The following ZNF48 variants were observed in gnomAD, a reference collection of about 807,000 sequenced individuals.
The protein encoded by ZNF48 is zinc finger protein 48.
ZNF48 carries 20 observed loss-of-function variants against 40.0 expected under a neutral mutation model. The observed-to-expected ratio is 0.50, with a 90% CI of 0.35 to 0.73. ZNF48 has a LOEUF of 0.73. Among genes scored for constraint, ZNF48 ranks in the 30% least tolerant of loss-of-function variants. The pLI is 0.01. For missense variants in ZNF48, 726 were observed against 851.9 expected (o/e 0.85, Z 1.84); for synonymous variants, 298 against 329.7 (o/e 0.90, Z 1.04).
chr16:30,380,033 T>C (rs1353936755), intron 1 of ZNF48: 5 of 1,609,462 alleles, frequency 3.1e-6, no homozygotes, highest in Non-Finnish European at 3.4e-6. Flanking sequence ...TGATCCCGGA[T>C]CTCAGGGGAA....
chr16:30,394,204 G>C (rs148052917), upstream of ZNF48, among the ~76,000 whole-genome samples: 45 of 152,298 alleles, frequency 3.0e-4, no homozygotes, highest in African/African-American at 1.0e-3. Context: ...TAATTTCAGT[G>C]ATTTGTGTAC....
upstream of ZNF48, among the ~76,000 whole-genome samples, chr16:30,391,643 G>A (rs759831726): frequency 2.0e-5 from 3 of 151,516 alleles, no homozygotes; most frequent in Admixed American, 6.6e-5. Flanking sequence ...TTACAGGCGC[G>A]TACCACCACA....
At chr16:30,379,383 A>C in intron 1 of ZNF48, 1 of 1,527,970 alleles carries the variant, frequency 6.5e-7, no homozygotes, top group South Asian at 1.1e-5. Flanking sequence ...CGCCTGACCC[A>C]GAGGCCCCGG....
intron 1 of ZNF48, chr16:30,380,369 T>A: frequency 6.2e-6 from 1 of 160,184 alleles, no homozygotes; most frequent in Non-Finnish European, 1.4e-5. Context: ...TGGCTCCATC[T>A]TGGTTCACTG....
chr16:30,388,906 AAAATAAAAAT>A (rs1281713131), intron 1 of ZNF48, among the ~76,000 whole-genome samples: 1 of 151,872 alleles, frequency 6.6e-6, no homozygotes, highest in Non-Finnish European at 1.5e-5. Context: ...AAGAAAATTA[AAAATAAAAAT>A]AAATAAAAAT....
rs778464897 is a variant in ZNF48 at position 30,380,047 on chromosome 16, G to T, written c.-16+1637G>T. The T allele has an allele frequency of 3.1e-6, 5 of 1,602,902 alleles. No individual in the cohort carries two copies. The Admixed American group carries it at 6.8e-5, about 22-fold the overall frequency. On this transcript the variant is annotated intron_variant, in intron 1 of 2. Coordinates refer to the ZNF48 transcript ENST00000528032. ...CTGATCCCGGATCTCAGGGGAAACA[G>T]ATATAGAGACAGTGTGAAACGGGCC...
In ZNF48 at chr16:30,399,026, G is replaced by A; in HGVS notation, c.1776G>A (p.Gly592=). The change falls in exon 3 of 3, where the codon GGG becomes GGA. Residue 592 remains glycine (G), a synonymous_variant. Transcript: ENST00000613509. The part of the protein sequence containing the change: ...DSSARIKHQR[G]HLVLTPFGIG... Reference sequence around the variant, plus strand: ...CTGCCCGCATCAAGCACCAGCGTGGGCACCTGGTCCTGACGCCCTTTGGGA... The same window carrying A: ...CTGCCCGCATCAAGCACCAGCGTGGACACCTGGTCCTGACGCCCTTTGGGA... 2 of 1,613,836 alleles carry A rather than the reference G, an allele frequency of 1.2e-6. No homozygotes were observed. Among genetic ancestry groups the A allele is most frequent in the Non-Finnish European group, 1.7e-6 (2 of 1,179,900 alleles).
intron 2 of ZNF48, among the ~76,000 whole-genome samples, chr16:30,396,629 T>C (rs2049986522): frequency 6.6e-6 from 1 of 151,424 alleles, no homozygotes; most frequent in Non-Finnish European, 1.5e-5. Context: ...CAATATAATG[T>C]AGGGATTAAC....
In ZNF48 at chr16:30,397,979, G is replaced by T. The variant is rs540599648; in HGVS notation, c.729G>T (p.Arg243=). The T allele has an allele frequency of 2.0e-4, 324 of 1,613,906 alleles. 4 individuals are homozygous for T. The South Asian group carries it at 3.1e-3, about 15-fold the overall frequency. Residue 243 remains arginine, a synonymous_variant, in exon 3 of 3, where the codon CGG becomes CGT. Coordinates refer to ENST00000613509, the MANE Select transcript of ZNF48 (RefSeq NM_001214909.2). This position sits in a 1 kb window ranked among gnomAD's most constrained non-coding sequence, Gnocchi z 4.1. ...SARIKHQRTH[R]GEQPPRPVVP... is the part of the protein sequence containing the mutation. The stretch of plus-strand genomic sequence containing the variant: ...GCATCAAGCACCAGCGGACACACCG[G>T]GGGGAGCAGCCCCCCCGACCAGTGG...
Position 30,382,895 on chromosome 16 carries a change from C to A in ZNF48, c.-16+4485C>A, listed in dbSNP as rs1233080418. On this transcript the variant is annotated intron_variant, in intron 1 of 2. Coordinates refer to the ZNF48 transcript ENST00000528032. The surrounding 1 kb of genome is among the most constrained non-coding windows in gnomAD (Gnocchi z 4.8). ...GCTGATTAGAAAACAGTTCCCAGGA[C>A]GGGCAAGGTGGCTCTCGCCTGTAAT... The A allele has an allele frequency of 9.5e-7, 1 of 1,048,134 alleles. No individual in the cohort carries two copies. Among genetic ancestry groups the A allele is most frequent in the Non-Finnish European group, 1.4e-6 (1 of 702,678 alleles). The allele number at this position is 1,048,134 out of a possible 1,614,324, so 64.9% of individuals were successfully genotyped here.
chr16:30,398,621 C>G lies in ZNF48; in HGVS notation c.1371C>G (p.Gly457=). 6.2e-7 allele frequency: 1 copy of G among 1,613,040 alleles called. No homozygotes were observed. Among genetic ancestry groups the G allele is most frequent in the East Asian group, 2.2e-5 (1 of 44,816 alleles). Reference sequence around the variant, plus strand: ...AGCCCCACAAGTGCCCTGAGTGTGGCAAGGGCTTCCGCCGAAGCTCTGACC... The same window carrying G: ...AGCCCCACAAGTGCCCTGAGTGTGGGAAGGGCTTCCGCCGAAGCTCTGACC... The part of the protein sequence containing the change: ...GDKPHKCPEC[G]KGFRRSSDLV... Residue 457 remains glycine (G), a synonymous_variant, in exon 3 of 3, where the codon GGC becomes GGG. Transcript: ENST00000613509. The surrounding 1 kb of genome is among the most constrained non-coding windows in gnomAD (Gnocchi z 6.6).
rs769784205 is a variant in ZNF48 at position 30,381,310 on chromosome 16, C to G, written c.-16+2900C>G. 6.2e-7 allele frequency: 1 copy of G among 1,607,246 alleles called. No homozygotes were observed. Among genetic ancestry groups the G allele is most frequent in the Non-Finnish European group, 8.5e-7 (1 of 1,174,868 alleles). On this transcript the variant is annotated intron_variant, in intron 1 of 2. Transcript: ENST00000528032. The surrounding 1 kb of genome is among the most constrained non-coding windows in gnomAD (Gnocchi z 4.3). Reference sequence around the variant, plus strand: ...GAGACCCCCCAGCCCTCCCTAAATGCGCCAGCCCCCAGGATCCCCCCACCA... The same window carrying G: ...GAGACCCCCCAGCCCTCCCTAAATGGGCCAGCCCCCAGGATCCCCCCACCA...
At chr16:30,385,219 A>AT (rs950264316) in intron 1 of ZNF48, among the ~76,000 whole-genome samples, 1 of 130,816 alleles carries the variant, frequency 7.6e-6, no homozygotes, top group Non-Finnish European at 1.6e-5. Flanking sequence ...TAATAATAAT[A>AT]ATATAAATAA....
exon 1 of ZNF48, chr16:30,378,361 A>C: frequency 7.4e-7 from 1 of 1,353,800 alleles, no homozygotes; most frequent in Non-Finnish European, 9.9e-7. Context: ...GGCGCTGGGC[A>C]GTGTGGGGCG....
upstream of ZNF48, among the ~76,000 whole-genome samples, chr16:30,390,908 G>A (rs559029794): frequency 6.6e-6 from 1 of 151,610 alleles, no homozygotes; most frequent in Non-Finnish European, 1.5e-5. Flanking sequence ...ACAGGCGTGA[G>A]CCACCGCGCC....
Position 30,399,102 on chromosome 16 carries a change from G to C in ZNF48, c.1852G>C (p.Glu618Gln). Reference sequence around the variant, plus strand: ...CAAGCAGGAGGCAGCAACAGGACTGGAATGACGCGGTCCAGGGAGGGCGGA... The same window carrying C: ...CAAGCAGGAGGCAGCAACAGGACTGCAATGACGCGGTCCAGGGAGGGCGGA... ...PLKQEAATGL[E>Q] The change falls in exon 3 of 3, where the codon GAA becomes CAA. Residue 618 changes from glutamate (E) to glutamine (Q), a missense_variant. By Grantham distance (29) the Glu-to-Gln change is conservative. This residue lies in a region of ZNF48 where 166 missense variants were observed against 163.6 expected (regional missense o/e 1.01). Transcript: ENST00000613509. The C allele has an allele frequency of 6.3e-7, 1 of 1,580,792 alleles. No individual in the cohort carries two copies. Among genetic ancestry groups the C allele is most frequent in the Non-Finnish European group, 8.6e-7 (1 of 1,163,206 alleles).
rs780523592 is a variant in ZNF48 at position 30,382,312 on chromosome 16, A to C, written c.-16+3902A>C. On this transcript the variant is annotated intron_variant, in intron 1 of 2. Coordinates refer to the ZNF48 transcript ENST00000528032. The surrounding 1 kb of genome is among the most constrained non-coding windows in gnomAD (Gnocchi z 4.8). ...GCGTGAAGTCAAACCCCTTCTTGAC[A>C]GACTTGCGGTGCAGCTGGTTGGGGA... The C allele has an allele frequency of 6.2e-7, 1 of 1,613,882 alleles. No homozygotes were observed. The highest frequency in any genetic ancestry group is 2.2e-5 in the East Asian group (1 of 44,882).
intron 1 of ZNF48, chr16:30,378,518 C>T: frequency 6.3e-7 from 1 of 1,589,122 alleles, no homozygotes; most frequent in South Asian, 1.1e-5. Flanking sequence ...GCATGCGGCG[C>T]AGCTGTGCAG....
intron 1 of ZNF48, chr16:30,379,321 C>T: frequency 7.0e-7 from 1 of 1,429,066 alleles, no homozygotes; most frequent in Non-Finnish European, 9.7e-7. Flanking sequence ...ACCCCCCTTT[C>T]CTCCTAGGAT....
Sources: gnomAD v4.1 joint callset for allele counts (sites outside exome capture counted in the v4.1 genomes callset) on GRCh38, gnomAD v4.1.1 for gene constraint, gnomAD v4.1.1 regional missense constraint, Gnocchi (gnomAD v3.1) non-coding constraint, MANE v1.5 for transcripts, NCBI Gene and HGNC (gene_info 2026-07-23, HGNC 2026-07-21) for gene names.